Variants in KCNAB1 observed in about 807,000 individuals in gnomAD.
KCNAB1 encodes the protein voltage-gated potassium channel subunit beta-1.
A neutral mutation model predicts 64.6 loss-of-function variants in KCNAB1; 35 were observed. That is an observed-to-expected ratio of 0.54 (90% confidence interval 0.41 to 0.72). KCNAB1 has a LOEUF of 0.72. Among genes scored for constraint, KCNAB1 ranks in the 30% least tolerant of loss-of-function variants. The pLI, the probability that KCNAB1 is intolerant of heterozygous loss-of-function variation, is 0.00. For synonymous variants in KCNAB1, 177 were observed against 183.8 expected (o/e 0.96, Z 0.30); for missense variants, 401 against 512.9 (o/e 0.78, Z 2.11).
In KCNAB1 at chr3:156,480,669, C is replaced by A. The variant is rs1333023210; in HGVS notation, c.658+5849C>A. ...AGTTACTAATGGCATATATTACATT[C>A]TTTTTTTTCCCTACTAAGTCTTTGA... On this transcript the variant is annotated intron_variant, in intron 8 of 13. Transcript: ENST00000490337. Among the ~76,000 whole-genome samples, 3 of 151,882 alleles carry A rather than the reference C, an allele frequency of 2.0e-5. No individual in the cohort carries two copies. The South Asian group carries it at 6.2e-4, about 32-fold the overall frequency.
intron 1 of KCNAB1, among the ~76,000 whole-genome samples, chr3:156,312,593 TC>T (rs890327234): frequency 1.1e-4 from 16 of 148,676 alleles, no homozygotes; most frequent in Admixed American, 4.8e-4. Context: ...TTGCCTGTAA[TC>T]CCAGCTACTT....
At chr3:156,534,834 CA>C (rs1476513926) in intron 13 of KCNAB1, among the ~76,000 whole-genome samples, 1 of 152,186 alleles carries the variant, frequency 6.6e-6, no homozygotes, top group Non-Finnish European at 1.5e-5. Flanking sequence ...TAGTAGTTTA[CA>C]ATGTTTCAAA....
chr3:156,291,812 T>A, intron 1 of KCNAB1: 1 of 1,581,640 alleles, frequency 6.3e-7, no homozygotes, highest in Non-Finnish European at 8.6e-7. Flanking sequence ...CAAGGAGGGC[T>A]TAAAAGAAAA....
At chr3:156,199,645 G>A (rs563275244) in intron 1 of KCNAB1, among the ~76,000 whole-genome samples, 17 of 152,270 alleles carry the variant, frequency 1.1e-4, no homozygotes, top group African/African-American at 3.8e-4. Context: ...CGAAGTTCTT[G>A]TGCTGTGTTT....
chr3:156,278,332 C>T (rs562324576), intron 1 of KCNAB1, among the ~76,000 whole-genome samples: 2 of 152,134 alleles, frequency 1.3e-5, no homozygotes, highest in African/African-American at 4.8e-5. Flanking sequence ...ATGTGGGAAG[C>T]TCCTCCAGAG....
intron 7 of KCNAB1, among the ~76,000 whole-genome samples, chr3:156,473,763 A>T (rs1411062909): frequency 6.6e-6 from 1 of 152,222 alleles, no homozygotes; most frequent in African/African-American, 2.4e-5. Context: ...TTTAACATGC[A>T]ATTAATTTTA....
chr3:156,401,067 G>T (rs576738946), intron 1 of KCNAB1, among the ~76,000 whole-genome samples: 2 of 152,312 alleles, frequency 1.3e-5, no homozygotes, highest in Admixed American at 6.5e-5. Flanking sequence ...TTCTTGGGGG[G>T]TTTATATAAT....
intron 1 of KCNAB1, among the ~76,000 whole-genome samples, chr3:156,298,426 A>G (rs1720937441): frequency 6.6e-6 from 1 of 152,256 alleles, no homozygotes; most frequent in Non-Finnish European, 1.5e-5. Flanking sequence ...GACCCTCTTT[A>G]GAAGTACACT....
intron 1 of KCNAB1, among the ~76,000 whole-genome samples, chr3:156,406,703 C>T (rs572173594): frequency 6.6e-6 from 1 of 152,220 alleles, no homozygotes; most frequent in African/African-American, 2.4e-5. Flanking sequence ...TGACTTTCCT[C>T]AGAGCAGAAT....
At chr3:156,391,149 A>T (rs1713012036) in intron 1 of KCNAB1, among the ~76,000 whole-genome samples, 1 of 152,186 alleles carries the variant, frequency 6.6e-6, no homozygotes, top group Non-Finnish European at 1.5e-5. Context: ...CAACAATGTA[A>T]TGTGGCAGAG....
At chr3:156,317,512 A>AT (rs150423549) in intron 1 of KCNAB1, among the ~76,000 whole-genome samples, 193 of 152,222 alleles carry the variant, frequency 1.3e-3, no homozygotes, top group African/African-American at 4.3e-3. Flanking sequence ...ATATCCATCC[A>AT]TTAATACGTG....
intron 1 of KCNAB1, among the ~76,000 whole-genome samples, chr3:156,389,380 C>G (rs1712851497): frequency 6.6e-6 from 1 of 152,212 alleles, no homozygotes; most frequent in South Asian, 2.1e-4. Context: ...TACTCTCACC[C>G]CAGCAAGAAG....
At chr3:156,486,765 C>G (rs1715248663) in intron 8 of KCNAB1, among the ~76,000 whole-genome samples, 1 of 152,160 alleles carries the variant, frequency 6.6e-6, no homozygotes, top group African/African-American at 2.4e-5. Context: ...CCAAACATAC[C>G]TGACACTCTT....
At chr3:156,365,630 G>A (rs1301302632) in intron 1 of KCNAB1, among the ~76,000 whole-genome samples, 1 of 152,098 alleles carries the variant, frequency 6.6e-6, no homozygotes, top group Non-Finnish European at 1.5e-5. Flanking sequence ...CTCCTGCTGG[G>A]CTGTGTGTTG....
chr3:156,503,304 G>GA (rs1716573578), intron 8 of KCNAB1, among the ~76,000 whole-genome samples: 1 of 152,186 alleles, frequency 6.6e-6, no homozygotes, highest in African/African-American at 2.4e-5. Flanking sequence ...GAAAAACTGG[G>GA]GGTGGTGATA....
chr3:156,530,445 GT>G (rs1718624574), intron 12 of KCNAB1, among the ~76,000 whole-genome samples: 1 of 152,162 alleles, frequency 6.6e-6, no homozygotes. Context: ...TGATGGGATG[GT>G]TTAAGAGTAC....
chr3:156,159,450 C>T (rs1037955904), intron 1 of KCNAB1, among the ~76,000 whole-genome samples: 3 of 152,162 alleles, frequency 2.0e-5, no homozygotes, highest in African/African-American at 7.2e-5. Context: ...ATAAGGAACA[C>T]ATTAAAAACT....
intron 2 of KCNAB1, among the ~76,000 whole-genome samples, chr3:156,433,205 T>C (rs903965167): frequency 6.6e-6 from 1 of 152,228 alleles, no homozygotes; most frequent in Admixed American, 6.5e-5. Flanking sequence ...GTTCTCAGGA[T>C]GAATCAGATC....
intron 1 of KCNAB1, among the ~76,000 whole-genome samples, chr3:156,207,363 G>A (rs1444777814): frequency 6.6e-6 from 1 of 152,150 alleles, no homozygotes; most frequent in Non-Finnish European, 1.5e-5. Flanking sequence ...CCTTGATAAT[G>A]GGCTCTAGGC....
Sources: allele counts gnomAD v4.1 joint callset (sites outside exome capture counted in the v4.1 genomes callset), GRCh38; gene constraint gnomAD v4.1.1; transcripts MANE v1.5; gene names NCBI Gene and HGNC (gene_info 2026-07-23, HGNC 2026-07-21).